The following PIGK variants were observed in gnomAD, a reference collection of about 807,000 sequenced individuals.
PIGK encodes GPI-anchor transamidase.
In PIGK, 42 loss-of-function variants were observed where a neutral mutation model predicts 50.6. That is an observed-to-expected ratio of 0.83 (90% CI 0.65 to 1.07). PIGK has a LOEUF of 1.07. PIGK is among the 50% of genes least tolerant of loss of function. The pLI is 0.00. For missense variants in PIGK, 448 were observed against 488.7 expected (o/e 0.92, Z 0.78); for synonymous variants, 151 against 156.0 (o/e 0.97, Z 0.24).
At chr1:77,105,837 T>C (rs1653657602) in intron 10 of PIGK, among the ~76,000 whole-genome samples, 1 of 152,210 alleles carries the variant, frequency 6.6e-6, no homozygotes, top group Non-Finnish European at 1.5e-5. Flanking sequence ...AAATATTTAC[T>C]ATTTGGCCCT....
chr1:77,187,426 CT>C (rs1161917257), intron 3 of PIGK, among the ~76,000 whole-genome samples: 2 of 152,186 alleles, frequency 1.3e-5, no homozygotes, highest in African/African-American at 2.4e-5. Context: ...GCCTAGAGGT[CT>C]TACCTCCAGC....
intron 10 of PIGK, among the ~76,000 whole-genome samples, chr1:77,096,881 C>CTTTTTTTTTTTTT (rs141858558): frequency 8.8e-5 from 11 of 124,304 alleles, no homozygotes; most frequent in Non-Finnish European, 1.0e-4. Context: ...TCGGGTTTTT[C>CTTTTTTTTTTTTT]TTTTTTTTTT....
intron 8 of PIGK, among the ~76,000 whole-genome samples, chr1:77,160,358 T>A: frequency 6.6e-6 from 1 of 152,152 alleles, no homozygotes; most frequent in East Asian, 1.9e-4. Flanking sequence ...TCTATCAAAT[T>A]TCACAGCCTA....
intron 1 of PIGK, among the ~76,000 whole-genome samples, chr1:77,211,006 C>CT (rs1240313367): frequency 2.0e-5 from 3 of 152,016 alleles, no homozygotes; most frequent in Non-Finnish European, 4.4e-5. Flanking sequence ...AACGTACAAT[C>CT]TGCTTGTTCA....
chr1:77,144,000 T>C (rs1326002398), intron 9 of PIGK, among the ~76,000 whole-genome samples: 1 of 151,940 alleles, frequency 6.6e-6, no homozygotes, highest in East Asian at 1.9e-4. Flanking sequence ...CTATATGAGG[T>C]AGAGTTATTA....
intron 2 of PIGK, among the ~76,000 whole-genome samples, 160 bp downstream of exon 2, chr1:77,210,276 T>C (rs910186302): frequency 2.6e-5 from 4 of 152,100 alleles, no homozygotes; most frequent in Non-Finnish European, 2.9e-5. Flanking sequence ...TAGATTATTA[T>C]AGTTGATGTG....
At chr1:77,093,747 A>T (rs1475974997) in intron 10 of PIGK, among the ~76,000 whole-genome samples, 1 of 151,866 alleles carries the variant, frequency 6.6e-6, no homozygotes, top group Non-Finnish European at 1.5e-5. Flanking sequence ...ATTAAATCCA[A>T]TTTTTCTCAT....
intron 10 of PIGK, 61 bp downstream of exon 10, chr1:77,122,214 C>G: frequency 9.2e-7 from 1 of 1,087,906 alleles, no homozygotes; most frequent in Non-Finnish European, 1.4e-6. Flanking sequence ...CTAACAAAAG[C>G]AATTACTTCT....
At chr1:77,169,530 G>A in intron 3 of PIGK, 135 bp from the exon 4 acceptor site, 1 of 589,508 alleles carries the variant, frequency 1.7e-6, no homozygotes. Context: ...ATAGTTGAAG[G>A]CAATTTAATT....
intron 1 of PIGK, among the ~76,000 whole-genome samples, chr1:77,213,442 T>C (rs1656470076): frequency 6.6e-6 from 1 of 151,994 alleles, no homozygotes; most frequent in Non-Finnish European, 1.5e-5. Context: ...TATATGGAAA[T>C]TAAACAACAC....
intron 9 of PIGK, among the ~76,000 whole-genome samples, chr1:77,134,813 C>A (rs1654461499): frequency 6.6e-6 from 1 of 152,112 alleles, no homozygotes; most frequent in African/African-American, 2.4e-5. Flanking sequence ...TACACTACTA[C>A]TTTTGATATT....
chr1:77,153,326 G>A (rs1269270331), intron 9 of PIGK, among the ~76,000 whole-genome samples: 1 of 152,104 alleles, frequency 6.6e-6, no homozygotes, highest in Non-Finnish European at 1.5e-5. Context: ...AGGAGGTAGA[G>A]GGTAGACCAG....
chr1:77,143,066 T>G (rs781068415), intron 9 of PIGK, among the ~76,000 whole-genome samples: 3 of 152,184 alleles, frequency 2.0e-5, no homozygotes, highest in Non-Finnish European at 2.9e-5. Context: ...ATTTATATAT[T>G]AATGTAAATG....
rs1425942030 is a variant in PIGK at position 77,154,259 on chromosome 1, A to C, written c.986+190T>G. On this transcript the variant is annotated intron_variant, in intron 9 of 10. Transcript: ENST00000370812. ...CCAACATAATCCTAACGATGATCTT[A>C]GTTTCCACTAATATTGATAGTTTTT... is the stretch of plus-strand genomic sequence containing the variant. 4.5e-5 allele frequency: 25 copies of C among 557,620 alleles called. No individual in the cohort carries two copies. The East Asian group carries it at 7.2e-4, about 16-fold the overall frequency. 34.5% of individuals were successfully genotyped at this position (557,620 alleles called of 1,614,324 possible).
chr1:77,120,670 G>A (rs762993741), intron 10 of PIGK, among the ~76,000 whole-genome samples: 4 of 152,122 alleles, frequency 2.6e-5, no homozygotes, highest in Non-Finnish European at 5.9e-5. Context: ...AATAAATGAA[G>A]AGTCTGCTAT....
chr1:77,206,595 T>C, intron 3 of PIGK, 45 bp downstream of exon 3: 1 of 989,220 alleles, frequency 1.0e-6, no homozygotes, highest in East Asian at 2.4e-5. Context: ...ATCTAAGGGT[T>C]ATTTTCACTG....
chr1:77,210,586 A>G lies in PIGK; in HGVS notation c.94-97T>C, dbSNP rs537612393. 2.3e-5 allele frequency: 15 copies of G among 655,424 alleles called. No homozygotes were observed. In the South Asian group the frequency reaches 3.2e-4, roughly 14 times the overall value. The allele number at this position is 655,424 out of a possible 1,614,324, so 40.6% of individuals were successfully genotyped here. A position where few individuals can be genotyped will look rare whatever the true frequency, so the allele number is the denominator to read the frequency against. On this transcript the variant is annotated intron_variant, in intron 1 of 10. Transcript: ENST00000370812. ...GACTCGTGTAGTTTTTACAGTTGTA[A>G]TAACAATCATCTTACGTAAGTTTAT...
chr1:77,099,475 T>A (rs1653494616), intron 10 of PIGK, among the ~76,000 whole-genome samples: 1 of 152,138 alleles, frequency 6.6e-6, no homozygotes, highest in Non-Finnish European at 1.5e-5. Flanking sequence ...CTTCATATAT[T>A]CCTTTCCAAA....
intron 9 of PIGK, among the ~76,000 whole-genome samples, chr1:77,132,794 G>C (rs775634056): frequency 6.6e-6 from 1 of 151,988 alleles, no homozygotes; most frequent in Non-Finnish European, 1.5e-5. Flanking sequence ...ACTTATGTAA[G>C]ATATTTTTGC....
Sources: allele counts gnomAD v4.1 joint callset (sites outside exome capture counted in the v4.1 genomes callset), GRCh38; gene constraint gnomAD v4.1.1; transcripts MANE v1.5; gene names NCBI Gene and HGNC (gene_info 2026-07-23, HGNC 2026-07-21).